GPALPP1: variants seen among roughly 807,000 people sequenced by gnomAD.
GPALPP1 encodes the protein GPALPP motifs-containing protein 1.
In GPALPP1, 30 loss-of-function variants were observed where a neutral mutation model predicts 38.9. That is an observed-to-expected ratio of 0.77 (90% CI 0.58 to 1.05). The LOEUF (loss-of-function observed/expected upper bound fraction) is 1.05. Ranked by LOEUF, GPALPP1 falls within the 50% of genes least tolerant of loss-of-function variation. GPALPP1 has a pLI of 0.00. For missense variants in GPALPP1, 384 were observed against 408.8 expected, an observed-to-expected ratio of 0.94 and a Z score of 0.52; for synonymous variants, 120 against 139.2, an observed-to-expected ratio of 0.86 and a Z score of 0.97.
exon 8 of GPALPP1, chr13:45,036,305 CT>C: frequency 6.6e-6 from 1 of 152,278 alleles, no homozygotes; most frequent in Non-Finnish European, 1.5e-5. Context: ...TCTTCAGCAC[CT>C]TTTAAAATAG....
At chr13:45,022,036 T>C (rs1875468590) in intron 7 of GPALPP1, among the ~76,000 whole-genome samples, 1 of 152,180 alleles carries the variant, frequency 6.6e-6, no homozygotes, top group Non-Finnish European at 1.5e-5. Flanking sequence ...TTCATAATAG[T>C]TAAATACTGT....
intron 6 of GPALPP1, among the ~76,000 whole-genome samples, chr13:45,016,625 C>A (rs1874891489): frequency 6.6e-6 from 1 of 151,796 alleles, no homozygotes; most frequent in Non-Finnish European, 1.5e-5. Context: ...TTGGTTTTTT[C>A]TTTTTGGTTT....
intron 6 of GPALPP1, among the ~76,000 whole-genome samples, chr13:45,019,619 T>C (rs1593403257): frequency 2.0e-5 from 3 of 150,388 alleles, no homozygotes; most frequent in African/African-American, 2.5e-5. Flanking sequence ...TTTTTTTTTT[T>C]CTCAAAATGT....
At chr13:44,998,076 C>T (rs974297129) in intron 1 of GPALPP1, among the ~76,000 whole-genome samples, 3 of 152,156 alleles carry the variant, frequency 2.0e-5, no homozygotes, top group Non-Finnish European at 4.4e-5. Flanking sequence ...TTTTATTTTT[C>T]CGTCTACTTC....
chr13:44,992,057 C>T (rs1872842410), intron 1 of GPALPP1, among the ~76,000 whole-genome samples: 1 of 152,210 alleles, frequency 6.6e-6, no homozygotes, highest in Non-Finnish European at 1.5e-5. Context: ...ATAAAATGTG[C>T]TGCTATGCAT....
intron 1 of GPALPP1, chr13:44,990,127 C>T (rs896509549): frequency 9.6e-6 from 4 of 416,392 alleles, no homozygotes; most frequent in Non-Finnish European, 1.7e-5. Context: ...AGTGATGGAG[C>T]GCGACTTAGA....
chr13:45,028,043 A>G lies in GPALPP1; in HGVS notation c.*40A>G, dbSNP rs748501201. Reference sequence around the variant, plus strand: ...GTGAGGTATATTTTAATACTGATCAATGTGAACTTTTCTAAATACTCTATT... The same window carrying G: ...GTGAGGTATATTTTAATACTGATCAGTGTGAACTTTTCTAAATACTCTATT... On this transcript the variant is annotated 3_prime_UTR_variant, in exon 8 of 8. Transcript: ENST00000379151. The G allele has an allele frequency of 1.7e-5, 17 of 999,752 alleles. No individual in the cohort carries two copies. The highest frequency in any genetic ancestry group is 5.9e-5 in the Admixed American group (3 of 51,188). 61.9% of individuals were successfully genotyped at this position (999,752 alleles called of 1,614,324 possible). A position where few individuals can be genotyped will look rare whatever the true frequency, so the allele number is the denominator to read the frequency against.
chr13:45,036,349 T>A (rs1876398284), exon 8 of GPALPP1: 1 of 152,224 alleles, frequency 6.6e-6, no homozygotes, highest in African/African-American at 2.4e-5. Flanking sequence ...CAGATTGTAG[T>A]TCCTTGTCCC....
In GPALPP1 at chr13:45,015,564, G is replaced by GCTCAGAAGTCAAATATCAACAA; in HGVS notation, c.673_674insCTCAGAAGTCAAATATCAACAA (p.Asp225AlafsTer12). The GCTCAGAAGTCAAATATCAACAA allele has an allele frequency of 6.3e-7, 1 of 1,574,850 alleles. No individual in the cohort carries two copies. Among genetic ancestry groups the GCTCAGAAGTCAAATATCAACAA allele is most frequent in the Non-Finnish European group, 8.6e-7 (1 of 1,161,266 alleles). ...ATCTGGAGATCGATCAATCTGGACA[G>GCTCAGAAGTCAAATATCAACAA]ATACTCCAGCTGATAGGGAAAGGAA... On this transcript the variant is annotated frameshift_variant, in exon 6 of 8. Transcript: ENST00000379151. LOFTEE classifies it high-confidence loss of function.
chr13:45,006,297 C>T lies in GPALPP1; in HGVS notation c.317C>T (p.Pro106Leu). The T allele has an allele frequency of 6.5e-7, 1 of 1,537,924 alleles. No individual in the cohort carries two copies. Among genetic ancestry groups the T allele is most frequent in the Non-Finnish European group, 9.0e-7 (1 of 1,113,506 alleles). Residue 106 changes from proline (P) to leucine (L), a missense_variant, in exon 3 of 8, where the codon CCT (proline) becomes CTT (leucine). Coordinates refer to ENST00000379151, the MANE Select transcript of GPALPP1 (RefSeq NM_018559.5). Reference sequence around the variant, plus strand: ...GGATTTAAAAAGCAGGATGATTCTCCTCCAAGGTGATAATGTGTAATATTT... The same window carrying T: ...GGATTTAAAAAGCAGGATGATTCTCTTCCAAGGTGATAATGTGTAATATTT... ...PPGFKKQDDS[P>L]PRPIIGPALP...
At chr13:45,027,656 A>T (rs1298294081) in intron 7 of GPALPP1, 129 bp from the exon 8 acceptor site, 77 of 520,858 alleles carry the variant, frequency 1.5e-4, no homozygotes, top group Non-Finnish European at 3.8e-5. Context: ...GAAAAAAAAA[A>T]ACTACTGGGG....
chr13:44,997,200 G>C (rs1566072437), intron 1 of GPALPP1, among the ~76,000 whole-genome samples: 1 of 151,756 alleles, frequency 6.6e-6, no homozygotes, highest in African/African-American at 2.4e-5. Flanking sequence ...CCTGAATCCA[G>C]TCTGTTATCT....
At chr13:45,021,910 A>G in intron 7 of GPALPP1, among the ~76,000 whole-genome samples, 1 of 152,162 alleles carries the variant, frequency 6.6e-6, no homozygotes, top group Non-Finnish European at 1.5e-5. Context: ...GTACCCTGCT[A>G]TTTTCCTCCT....
In GPALPP1 at chr13:45,020,341, A is replaced by C. The variant is rs769781122; in HGVS notation, c.717A>C (p.Glu239Asp). 1 of 1,440,044 alleles carries C rather than the reference A, an allele frequency of 6.9e-7. No individual in the cohort carries two copies. The allele number at this position is 1,440,044 out of a possible 1,614,324, so 89.2% of individuals were successfully genotyped here. Residue 239 changes from glutamate to aspartate, a missense_variant, in exon 7 of 8, where the codon GAA becomes GAC. By Grantham distance (45) the Glu-to-Asp change is conservative. Transcript: ENST00000379151. The part of the protein sequence containing the change: ...DRERKAKETQ[E>D]ARKSSSKKDE... ...TGTTCATTCCTCAGGAAACACAAGAAGCAAGGAAGTCATCCAGTAAGAAAG... is the reference window on the plus strand; with the variant it reads ...TGTTCATTCCTCAGGAAACACAAGACGCAAGGAAGTCATCCAGTAAGAAAG...
At chr13:45,023,029 A>G (rs1201654022) in intron 7 of GPALPP1, among the ~76,000 whole-genome samples, 2 of 152,338 alleles carry the variant, frequency 1.3e-5, no homozygotes, top group East Asian at 3.9e-4. Context: ...GTCTACACAG[A>G]GCAAGACCTG....
chr13:45,002,328 G>A (rs1368000813), intron 1 of GPALPP1: 1 of 152,274 alleles, frequency 6.6e-6, no homozygotes, highest in Non-Finnish European at 1.5e-5. Flanking sequence ...CTAAGGAGGG[G>A]TGAACCAGCC....
intron 7 of GPALPP1, among the ~76,000 whole-genome samples, chr13:45,024,499 G>A (rs1013310542): frequency 6.6e-6 from 1 of 151,726 alleles, no homozygotes; most frequent in Non-Finnish European, 1.5e-5. Flanking sequence ...GGGTTTCACT[G>A]TGTTAGCCAG....
intron 1 of GPALPP1, among the ~76,000 whole-genome samples, chr13:44,991,853 T>A (rs1354818252): frequency 6.6e-6 from 1 of 152,250 alleles, no homozygotes; most frequent in Non-Finnish European, 1.5e-5. Flanking sequence ...GGTACTACAT[T>A]ACTTTGTGAG....
chr13:45,018,186 A>G (rs1566081353), intron 6 of GPALPP1, among the ~76,000 whole-genome samples: 2 of 152,262 alleles, frequency 1.3e-5, no homozygotes, highest in East Asian at 3.9e-4. Flanking sequence ...TCACAAGGTC[A>G]GGAGATCAAG....
Sources: allele counts gnomAD v4.1 joint callset (sites outside exome capture counted in the v4.1 genomes callset), GRCh38; gene constraint gnomAD v4.1.1; transcripts MANE v1.5; gene names NCBI Gene and HGNC (gene_info 2026-07-23, HGNC 2026-07-21).